The following FHDC1 variants were observed in gnomAD, a reference collection of about 807,000 sequenced individuals.
FHDC1 encodes FH2 domain containing 1.
FHDC1 carries 25 observed loss-of-function variants against 52.6 expected under a neutral mutation model. That is an observed-to-expected ratio of 0.48 (90% CI 0.35 to 0.66). FHDC1 has a LOEUF of 0.66. Ranked by LOEUF, FHDC1 falls within the 30% of genes least tolerant of loss-of-function variation. FHDC1 has a pLI of 0.01. For synonymous variants in FHDC1, 616 were observed against 581.5 expected (o/e 1.06, Z -0.85); for missense variants, 1,459 against 1,452.8 (o/e 1.00, Z -0.07).
chr4:152,935,830 GGTGT>G (rs35457762), upstream of FHDC1, among the ~76,000 whole-genome samples: 197 of 132,292 alleles, frequency 1.5e-3, no homozygotes, highest in African/African-American at 4.7e-3. Flanking sequence ...GGCGTGTGCG[GGTGT>G]GTGTGTGTGT....
At position 152,975,447 on chromosome 4, in the gene FHDC1, C is replaced by T. The variant is rs755670737; in HGVS notation, c.2156C>T (p.Ala719Val). 1.2e-6 allele frequency: 2 copies of T among 1,613,352 alleles called. No individual in the cohort carries two copies. The highest frequency in any genetic ancestry group is 1.1e-5 in the South Asian group (1 of 91,074). Residue 719 changes from alanine to valine, a missense_variant, in exon 12 of 12, where the codon GCC becomes GTC. By Grantham distance (64) the Ala-to-Val change is moderately conservative (BLOSUM62 0). Transcript: ENST00000511601. ...CATAGGGGCCCGCAGTCCCTCAGTG[C>T]CAGCAGCAGCAGCCTGACACCCATG... is the stretch of plus-strand genomic sequence containing the variant. ...VGHRGPQSLS[A>V]SSSSLTPMGR...
rs762147200 is a variant in FHDC1 at position 152,962,779 on chromosome 4, A to C, written c.851-35A>C. The C allele has an allele frequency of 1.7e-5, 27 of 1,573,136 alleles. No homozygotes were observed. In the Admixed American group the frequency reaches 4.5e-4, roughly 26 times the overall value. On this transcript the variant is annotated intron_variant, in intron 6 of 11. Coordinates refer to ENST00000511601, the MANE Select transcript of FHDC1 (RefSeq NM_001371116.1). ...CTTTTGTGCATTTGAAACTGAAGGC[A>C]TCTCTAAGGTGCTGTGATGTGTTCT...
chr4:152,929,500 A>G, the FHDC1 span, among the ~76,000 whole-genome samples: 5 of 152,332 alleles, frequency 3.3e-5, no homozygotes, highest in East Asian at 7.7e-4. This position sits in a 1 kb window ranked among gnomAD's most constrained non-coding sequence, Gnocchi z 4.1. Context: ...AGGTTTGCCC[A>G]ACGACGCAGT....
At chr4:152,930,287 C>T in the FHDC1 span, among the ~76,000 whole-genome samples, 1 of 152,224 alleles carries the variant, frequency 6.6e-6, no homozygotes, top group Non-Finnish European at 1.5e-5. Flanking sequence ...GAAATCACCA[C>T]TAATTGGATA....
intron 2 of FHDC1, among the ~76,000 whole-genome samples, chr4:152,949,124 T>TAATAATAAGAAGAAGAAGAAGAAGAAG (rs1347590282): frequency 1.3e-5 from 1 of 74,700 alleles, no homozygotes; most frequent in African/African-American, 5.0e-5. Flanking sequence ...ATAATAATAA[T>TAATAATAAGAAGAAGAAGAAGAAGAAG]AAGAAGAAGA....
At chr4:152,973,278 T>C (rs1740700622) in intron 11 of FHDC1, among the ~76,000 whole-genome samples, 1 of 152,172 alleles carries the variant, frequency 6.6e-6, no homozygotes, top group South Asian at 2.1e-4. Context: ...GAGTCATCTC[T>C]CCCCCTCCAG....
At chr4:152,924,761 C>CA in the FHDC1 span, among the ~76,000 whole-genome samples, 2 of 148,964 alleles carry the variant, frequency 1.3e-5, no homozygotes, top group Admixed American at 6.8e-5. Context: ...ATCGCAAGAA[C>CA]AAAAAACCAA....
intron 10 of FHDC1, among the ~76,000 whole-genome samples, chr4:152,970,386 C>T (rs770407426): frequency 9.9e-5 from 15 of 152,150 alleles, no homozygotes; most frequent in Non-Finnish European, 1.8e-4. Context: ...AACTCCTGCC[C>T]GGTAACTTCA....
chr4:152,922,869 G>A, the FHDC1 span, among the ~76,000 whole-genome samples: 14 of 150,654 alleles, frequency 9.3e-5, no homozygotes, highest in African/African-American at 2.7e-4. Context: ...AAAATAATAA[G>A]AGCTATCTAT....
the FHDC1 span, among the ~76,000 whole-genome samples, chr4:152,921,736 C>G: frequency 6.6e-6 from 1 of 151,970 alleles, no homozygotes; most frequent in African/African-American, 2.4e-5. Context: ...TTCCTTTGGG[C>G]TGCATTCATA....
intron 10 of FHDC1, among the ~76,000 whole-genome samples, chr4:152,969,120 T>G (rs548888437): frequency 6.6e-6 from 1 of 151,952 alleles, no homozygotes; most frequent in East Asian, 1.9e-4. Flanking sequence ...CTCATGCTTT[T>G]AGTCTTCAGC....
chr4:152,976,653 G>A lies in FHDC1; in HGVS notation c.3362G>A (p.Arg1121Lys), dbSNP rs1447523709. ...CTGAAGGCCAGAGGGGCTGGGGAAA[G>A]GGCCTCCCTCCGTCGGAAGGACTCC... Reference protein sequence around the residue: ...APLKARGAGERASLRRKDSSR... With the variant: ...APLKARGAGEKASLRRKDSSR... Residue 1121 changes from arginine (R) to lysine (K), a missense_variant, in exon 12 of 12, where the codon AGG (arginine) becomes AAG (lysine). Arg to Lys is a conservative substitution (Grantham distance 26). Coordinates refer to ENST00000511601, the MANE Select transcript of FHDC1 (RefSeq NM_001371116.1). 8 of 1,588,812 alleles carry A rather than the reference G, an allele frequency of 5.0e-6. No individual in the cohort carries two copies. Among genetic ancestry groups the A allele is most frequent in the Non-Finnish European group, 6.9e-6 (8 of 1,167,780 alleles).
rs759093470 is a variant in FHDC1, at chr4:152,975,155, C to A, written c.1864C>A (p.Leu622Ile). The A allele has an allele frequency of 3.1e-6, 5 of 1,613,102 alleles. No homozygotes were observed. The East Asian group carries it at 1.1e-4, about 36-fold the overall frequency. The stretch of plus-strand genomic sequence containing the variant: ...CCCACCCTCAGCACAGGCGCACCAG[C>A]TTGCAGCCGCCCAGCCTGAGAACCA... Reference protein sequence around the residue: ...PNPPSAQAHQLAAAQPENHAS... With the variant: ...PNPPSAQAHQIAAAQPENHAS... Residue 622 changes from leucine to isoleucine, a missense_variant, in exon 12 of 12, where the codon CTT becomes ATT. Transcript: ENST00000511601.
chr4:152,921,827 A>C, the FHDC1 span, among the ~76,000 whole-genome samples: 1 of 152,160 alleles, frequency 6.6e-6, no homozygotes, highest in Non-Finnish European at 1.5e-5. Context: ...TCGACACAAC[A>C]TACCAGAATC....
chr4:152,951,733 A>G (rs1378108247), intron 2 of FHDC1, among the ~76,000 whole-genome samples: 1 of 152,138 alleles, frequency 6.6e-6, no homozygotes, highest in Non-Finnish European at 1.5e-5. Flanking sequence ...CAACATTCCT[A>G]TTTTAGCTAG....
rs1561216001 is a variant in FHDC1 at position 152,975,037 on chromosome 4, GATA to G, written c.1747_1749del (p.Ile583del). ...GCAGCCCCCGGCAGGCCCGGCCCAC[GATA>G]GCCTGCCTGGAGCCTGCAGAAGTGA... On this transcript the variant is annotated inframe_deletion, in exon 12 of 12. Transcript: ENST00000511601. 4 of 1,612,490 alleles carry G rather than the reference GATA, an allele frequency of 2.5e-6. No individual in the cohort carries two copies. Among genetic ancestry groups the G allele is most frequent in the Non-Finnish European group, 3.4e-6 (4 of 1,179,778 alleles).
chr4:152,972,361 G>A lies in FHDC1; in HGVS notation c.1219-16G>A, dbSNP rs749114307. 9.4e-6 allele frequency: 15 copies of A among 1,591,044 alleles called. No homozygotes were observed. The highest frequency in any genetic ancestry group is 2.2e-5 in the East Asian group (1 of 44,526). ...ACAACGTTTACCTCAGTGTGTGTTC[G>A]TTTGTTTTTCCGCAGTTTGCCATAG... On this transcript the variant is annotated splice_polypyrimidine_tract_variant and intron_variant, in intron 10 of 11. Transcript: ENST00000511601.
chr4:152,975,663 C>T lies in FHDC1; in HGVS notation c.2372C>T (p.Ser791Phe). ...LTLDCSEGTD[S>F]RPRGGDPEEG... ...CTGGACTGCTCAGAGGGAACCGACT[C>T]CAGACCCAGAGGCGGGGACCCGGAG... Residue 791 changes from serine (S) to phenylalanine (F), a missense_variant, in exon 12 of 12, where the codon TCC becomes TTC. Ser to Phe is a radical substitution (Grantham distance 155). Around this residue, in one of 3 missense-constraint regions of FHDC1, gnomAD observed 939 missense variants for 854.5 expected, o/e 1.10. Coordinates refer to ENST00000511601, the MANE Select transcript of FHDC1 (RefSeq NM_001371116.1). 6.2e-7 allele frequency: 1 copy of T among 1,613,412 alleles called. No homozygotes were observed. Among genetic ancestry groups the T allele is most frequent in the South Asian group, 1.1e-5 (1 of 91,068 alleles).
chr4:152,948,066 A>G (rs1461559493), intron 2 of FHDC1, among the ~76,000 whole-genome samples: 1 of 152,174 alleles, frequency 6.6e-6, no homozygotes, highest in African/African-American at 2.4e-5. Flanking sequence ...TTTTTTCCCC[A>G]AAGTTGGGAG....
Sources: gnomAD v4.1 joint callset for allele counts (sites outside exome capture counted in the v4.1 genomes callset) on GRCh38, gnomAD v4.1.1 for gene constraint, gnomAD v4.1.1 regional missense constraint, Gnocchi (gnomAD v3.1) non-coding constraint, MANE v1.5 for transcripts, NCBI Gene and HGNC (gene_info 2026-07-23, HGNC 2026-07-21) for gene names.